ZFPM2: variants seen among roughly 807,000 people sequenced by gnomAD.
ZFPM2 encodes the protein zinc finger protein ZFPM2.
Under a neutral mutation model 98.6 loss-of-function variants are expected in ZFPM2, and 20 were observed. The observed-to-expected ratio is 0.20, with a 90% CI of 0.14 to 0.29. The LOEUF is 0.29. ZFPM2 is among the 10% of genes least tolerant of loss of function. The probability of loss-of-function intolerance (pLI) is 1.00; values close to 1 mark genes in which losing one functional copy is unlikely to be tolerated. For synonymous variants in ZFPM2, 518 were observed against 502.7 expected, an observed-to-expected ratio of 1.03 and a Z score of -0.41; for missense variants, 1,310 against 1,388.6, an observed-to-expected ratio of 0.94 and a Z score of 0.90.
chr8:105,634,259 A>C lies in ZFPM2; in HGVS notation c.434A>C (p.Gln145Pro). ...TTCTTTCTACAGAAGACAAAGGCTC[A>C]GGTCCCAATGGTGCTGACTGCTGGT... ...LNNNSLKTKA[Q>P]VPMVLTAGPK... Residue 145 changes from glutamine to proline, a missense_variant, in exon 5 of 8, where the codon CAG becomes CCG. Transcript: ENST00000407775. 6.2e-7 allele frequency: 1 copy of C among 1,612,084 alleles called. No homozygotes were observed. The highest frequency in any genetic ancestry group is 8.5e-7 in the Non-Finnish European group (1 of 1,179,042).
intron 5 of ZFPM2, among the ~76,000 whole-genome samples, chr8:105,716,156 A>G (rs562203303): frequency 2.7e-5 from 4 of 150,336 alleles, no homozygotes; most frequent in South Asian, 2.1e-4. Flanking sequence ...ATATATACAT[A>G]TAAAACATTT....
Position 105,419,558 on chromosome 8 carries a change from G to A in ZFPM2, c.199+256G>A, listed in dbSNP as rs74642572. 3.0e-3 allele frequency among the ~76,000 whole-genome samples: 450 copies of A among 151,984 alleles called. 1 individual carries two copies. The highest frequency in any genetic ancestry group is 0.01 in the Middle Eastern group (3 of 292). On this transcript the variant is annotated intron_variant, in intron 2 of 7. Coordinates refer to ENST00000407775, the MANE Select transcript of ZFPM2 (RefSeq NM_012082.4). ...ACTATGCACATTCTTCATGTTATTG[G>A]CCAATTAACTGTGATATATTTAATG...
chr8:105,447,641 C>T (rs1471123090), intron 3 of ZFPM2, among the ~76,000 whole-genome samples: 1 of 152,086 alleles, frequency 6.6e-6, no homozygotes, highest in Non-Finnish European at 1.5e-5. Context: ...TCAGTTCTGA[C>T]AGTCACCCTA....
chr8:105,358,880 G>A (rs35551297), intron 1 of ZFPM2, among the ~76,000 whole-genome samples: 18,234 of 152,166 alleles, frequency 0.12, 1,303 homozygotes, highest in Non-Finnish European at 0.16. Context: ...ACTTGAACCC[G>A]GGAGGCAGAG....
At chr8:105,558,116 TATTA>T (rs1563718557) in intron 3 of ZFPM2, among the ~76,000 whole-genome samples, 1 of 152,156 alleles carries the variant, frequency 6.6e-6, no homozygotes. Context: ...TCATAACACC[TATTA>T]ATTTTTGGAA....
chr8:105,599,380 C>A (rs1461770316), intron 4 of ZFPM2, among the ~76,000 whole-genome samples: 1 of 130,774 alleles, frequency 7.6e-6, no homozygotes, highest in Non-Finnish European at 1.6e-5. Context: ...TTTTCTTTTT[C>A]TTTTCGTCTT....
chr8:105,566,134 A>T (rs1186548927), intron 4 of ZFPM2, among the ~76,000 whole-genome samples: 1 of 152,122 alleles, frequency 6.6e-6, no homozygotes, highest in African/African-American at 2.4e-5. Context: ...TTTTACCCAG[A>T]GTTCACTGAT....
intron 3 of ZFPM2, among the ~76,000 whole-genome samples, chr8:105,445,559 G>A (rs1056470955): frequency 6.6e-6 from 1 of 151,404 alleles, no homozygotes; most frequent in Non-Finnish European, 1.5e-5. Context: ...TTTTGTCATG[G>A]AGGTTACCTT....
rs927883792 is a variant in ZFPM2 at position 105,596,305 on chromosome 8, A to G, written c.420+34824A>G. Among the ~76,000 whole-genome samples, 3 of 152,180 alleles carry G rather than the reference A, an allele frequency of 2.0e-5. No homozygotes were observed. In the East Asian group the frequency reaches 5.8e-4, roughly 29 times the overall value. On this transcript the variant is annotated intron_variant, in intron 4 of 7. Coordinates refer to ENST00000407775, the MANE Select transcript of ZFPM2 (RefSeq NM_012082.4). ...AGAGTAAACAATCAGAGGAAGAGTA[A>G]AAGAGTTTTCTTTCATTTTCTTTTT... is the stretch of plus-strand genomic sequence containing the variant.
At chr8:105,399,867 G>T (rs1232994244) in intron 1 of ZFPM2, among the ~76,000 whole-genome samples, 1 of 152,146 alleles carries the variant, frequency 6.6e-6, no homozygotes, top group Non-Finnish European at 1.5e-5. Context: ...CTGGGTTCAA[G>T]TAATTCTCTT....
chr8:105,571,124 G>T (rs141618987), intron 4 of ZFPM2, among the ~76,000 whole-genome samples: 10 of 152,294 alleles, frequency 6.6e-5, no homozygotes, highest in African/African-American at 2.4e-4. Context: ...ACAGAGGATC[G>T]GTGTGAAGGA....
rs369112135 is a variant in ZFPM2, at chr8:105,454,544, A to G, written c.301+10163A>G. Among the ~76,000 whole-genome samples, 7 of 152,328 alleles carry G rather than the reference A, an allele frequency of 4.6e-5. No individual in the cohort carries two copies. In the East Asian group the frequency reaches 9.7e-4, roughly 21 times the overall value. On this transcript the variant is annotated intron_variant, in intron 3 of 7. Transcript: ENST00000407775. The stretch of plus-strand genomic sequence containing the variant: ...TACACTTGCAGTGATAGTACCGTGT[A>G]TCAGGTGATTTAGGTGTTTCAGCCT...
At chr8:105,516,747 A>G (rs1273157176) in intron 3 of ZFPM2, among the ~76,000 whole-genome samples, 1 of 152,176 alleles carries the variant, frequency 6.6e-6, no homozygotes, top group East Asian at 1.9e-4. Flanking sequence ...TGGTAATGCT[A>G]TCATGGGTAG....
At chr8:105,736,989 C>T (rs7017319) in intron 5 of ZFPM2, among the ~76,000 whole-genome samples, 23,084 of 151,522 alleles carry the variant, frequency 0.15, 1,981 homozygotes, top group Non-Finnish European at 0.2. Context: ...GATTTTTTTT[C>T]ACACAAAATT....
At chr8:105,383,886 G>T (rs189466434) in intron 1 of ZFPM2, among the ~76,000 whole-genome samples, 47 of 152,128 alleles carry the variant, frequency 3.1e-4, no homozygotes, top group African/African-American at 1.1e-3. Context: ...TCTGCATAAT[G>T]CTTATATTGC....
At chr8:105,508,039 G>A (rs752922899) in intron 3 of ZFPM2, among the ~76,000 whole-genome samples, 2 of 152,144 alleles carry the variant, frequency 1.3e-5, no homozygotes, top group Non-Finnish European at 2.9e-5. Context: ...GCCAAGGAAA[G>A]AAAAGGTCTT....
intron 3 of ZFPM2, among the ~76,000 whole-genome samples, chr8:105,500,534 A>G (rs932176288): frequency 2.0e-5 from 3 of 152,200 alleles, no homozygotes; most frequent in Non-Finnish European, 1.5e-5. Context: ...ACAGCTATTG[A>G]AAGTAAACAA....
intron 1 of ZFPM2, among the ~76,000 whole-genome samples, chr8:105,388,139 G>A (rs1391287266): frequency 2.0e-5 from 3 of 152,100 alleles, no homozygotes; most frequent in South Asian, 2.1e-4. Context: ...GCTAAAAGCT[G>A]GTAAAGACAG....
chr8:105,652,092 T>A (rs1165366252), intron 5 of ZFPM2, among the ~76,000 whole-genome samples: 1 of 151,798 alleles, frequency 6.6e-6, no homozygotes, highest in African/African-American at 2.4e-5. Flanking sequence ...TGGTTCGACA[T>A]CTTTGCATAG....
Sources: gnomAD v4.1 joint callset for allele counts (sites outside exome capture counted in the v4.1 genomes callset) on GRCh38, gnomAD v4.1.1 for gene constraint, MANE v1.5 for transcripts, NCBI Gene and HGNC (gene_info 2026-07-23, HGNC 2026-07-21) for gene names.